The following CFAP54 variants were observed in gnomAD, a reference collection of about 807,000 sequenced individuals.
CFAP54 encodes cilia- and flagella-associated protein 54.
A neutral mutation model predicts 370.4 loss-of-function variants in CFAP54; 290 were observed. The observed-to-expected ratio is 0.78, with a 90% confidence interval of 0.71 to 0.86. CFAP54 has a LOEUF of 0.86. Among genes scored for constraint, CFAP54 ranks in the 40% least tolerant of loss-of-function variants. The pLI, the probability that CFAP54 is intolerant of heterozygous loss-of-function variation, is 0.00. For missense variants in CFAP54, 3,399 were observed against 3,528.7 expected (o/e 0.96, Z 0.93); for synonymous variants, 1,206 against 1,236.5 (o/e 0.98, Z 0.52).
intron 66 of CFAP54, among the ~76,000 whole-genome samples, chr12:96,850,752 A>G (rs1222787059): frequency 6.6e-6 from 1 of 152,146 alleles, no homozygotes; most frequent in Non-Finnish European, 1.5e-5. Context: ...ATCATGGTGC[A>G]AGGCAAAGGG....
At chr12:96,532,445 A>C (rs1955448940) in intron 9 of CFAP54, among the ~76,000 whole-genome samples, 1 of 152,112 alleles carries the variant, frequency 6.6e-6, no homozygotes, top group Non-Finnish European at 1.5e-5. Context: ...TTCTCTTCCT[A>C]AGAAAAATAC....
intron 58 of CFAP54, among the ~76,000 whole-genome samples, chr12:96,758,033 A>C (rs947086628): frequency 1.3e-5 from 2 of 152,188 alleles, no homozygotes; most frequent in Non-Finnish European, 2.9e-5. Context: ...TCATTCATAC[A>C]TTCATCACGT....
At chr12:96,762,605 C>T (rs1166730790) in intron 58 of CFAP54, among the ~76,000 whole-genome samples, 2 of 152,172 alleles carry the variant, frequency 1.3e-5, no homozygotes, top group Admixed American at 6.5e-5. Flanking sequence ...ATGGCTGGGT[C>T]ACTAGTTGGT....
intron 39 of CFAP54, among the ~76,000 whole-genome samples, chr12:96,664,693 A>G (rs55978939): frequency 8.2e-5 from 1 of 12,258 alleles, no homozygotes; most frequent in African/African-American, 4.1e-4. Context: ...CTTTGGGTAT[A>G]TATCTATATA....
At chr12:96,856,329 G>T (rs1214148690) in intron 66 of CFAP54, among the ~76,000 whole-genome samples, 1 of 152,210 alleles carries the variant, frequency 6.6e-6, no homozygotes, top group Non-Finnish European at 1.5e-5. Flanking sequence ...GCAAATTTAT[G>T]CAGGAGGCTT....
intron 49 of CFAP54, 49 bp downstream of exon 49, chr12:96,718,571 A>G (rs1227459364): frequency 8.6e-7 from 1 of 1,159,590 alleles, no homozygotes; most frequent in East Asian, 2.4e-5. Context: ...CCAAAAATCC[A>G]CTATTAGGCC....
Position 96,775,682 on chromosome 12 carries a change from G to A in CFAP54, c.8282-9035G>A, listed in dbSNP as rs753857771. ...TCCTCCTCTTATATCTGTAGTTTTTGTTTTTGTTGACAAGATGTTACTTGG... is the reference window on the plus strand; with the variant it reads ...TCCTCCTCTTATATCTGTAGTTTTTATTTTTGTTGACAAGATGTTACTTGG... On this transcript the variant is annotated intron_variant, in intron 60 of 67. Transcript: ENST00000524981. Among the ~76,000 whole-genome samples, 69 of 152,022 alleles carry A rather than the reference G, an allele frequency of 4.5e-4. 1 individual carries two copies. The highest frequency in any genetic ancestry group is 8.7e-4 in the Non-Finnish European group (59 of 67,982).
chr12:96,836,229 C>T (rs941024674), intron 66 of CFAP54, among the ~76,000 whole-genome samples: 38 of 152,122 alleles, frequency 2.5e-4, no homozygotes, highest in African/African-American at 8.4e-4. Context: ...AGTCAGGCAG[C>T]GGGCTGAGGG....
Position 96,647,908 on chromosome 12 carries a change from G to A in CFAP54, c.4581G>A (p.Leu1527=). 1 of 1,511,796 alleles carries A rather than the reference G, an allele frequency of 6.6e-7. No individual in the cohort carries two copies. Among genetic ancestry groups the A allele is most frequent in the African/African-American group, 1.4e-5 (1 of 71,670 alleles). The allele number at this position is 1,511,796 out of a possible 1,614,324, so 93.6% of individuals were successfully genotyped here. The part of the protein sequence containing the change: ...FRSCDPNMFS[L]YNSGTVLPTR... ...CATGTGATCCTAACATGTTTTCACT[G>A]TATAATTCAGGAACAGTATTACCAA... The change falls in exon 34 of 68, where the codon CTG becomes CTA. Residue 1527 remains leucine, a synonymous_variant. Coordinates refer to ENST00000524981, the MANE Select transcript of CFAP54 (RefSeq NM_001306084.2).
At chr12:96,720,007 A>G (rs567629858) in intron 49 of CFAP54, among the ~76,000 whole-genome samples, 1 of 152,300 alleles carries the variant, frequency 6.6e-6, no homozygotes, top group South Asian at 2.1e-4. Flanking sequence ...CACATTAAAC[A>G]AGGAGGCTGT....
At chr12:96,548,916 G>A (rs4540870) in intron 15 of CFAP54, among the ~76,000 whole-genome samples, 23,950 of 150,990 alleles carry the variant, frequency 0.16, 3,000 homozygotes, top group East Asian at 0.51. Flanking sequence ...GTGCAGTGGC[G>A]CACTCTTGGC....
Position 96,860,844 on chromosome 12 carries a change from C to G in CFAP54, c.9197C>G (p.Ser3066Cys). The stretch of plus-strand genomic sequence containing the variant: ...GTCCCATTTGATATCTCACTGCCGT[C>G]TATATTCAATCTTGAGAGACTTTTT... ...SEVPFDISLP[S>C]IFNLERLFDL... Residue 3066 changes from serine to cysteine, a missense_variant, in exon 67 of 68, where the codon TCT (serine) becomes TGT (cysteine). Physicochemically the swap from Ser to Cys is moderately radical, Grantham distance 112. Coordinates refer to ENST00000524981, the MANE Select transcript of CFAP54 (RefSeq NM_001306084.2). 6.5e-7 allele frequency: 1 copy of G among 1,533,218 alleles called. No homozygotes were observed. The highest frequency in any genetic ancestry group is 8.7e-7 in the Non-Finnish European group (1 of 1,145,132). The allele number at this position is 1,533,218 out of a possible 1,614,324, so 95.0% of individuals were successfully genotyped here.
At chr12:96,564,934 T>C (rs1008083420) in intron 19 of CFAP54, 169 bp downstream of exon 19, 2 of 363,710 alleles carry the variant, frequency 5.5e-6, no homozygotes, top group African/African-American at 4.2e-5. Context: ...GTACCTCCAG[T>C]TCTGAATTCT....
intron 67 of CFAP54, among the ~76,000 whole-genome samples, chr12:96,868,100 G>A (rs545889043): frequency 3.9e-5 from 6 of 151,988 alleles, no homozygotes; most frequent in Non-Finnish European, 7.4e-5. Context: ...CAACCCAGAC[G>A]TCTCCTCCAC....
chr12:96,862,650 A>T (rs1959906444), intron 67 of CFAP54, among the ~76,000 whole-genome samples: 1 of 152,214 alleles, frequency 6.6e-6, no homozygotes, highest in Non-Finnish European at 1.5e-5. Context: ...AAAGAGAAAA[A>T]GAACCAAATA....
chr12:96,856,234 G>A (rs567861602), intron 66 of CFAP54, among the ~76,000 whole-genome samples: 8 of 152,178 alleles, frequency 5.3e-5, no homozygotes, highest in Non-Finnish European at 7.4e-5. Flanking sequence ...GGCCTGCCCC[G>A]AAGGTCTCTG....
At chr12:96,503,271 C>CTTT (rs1466499720) in intron 2 of CFAP54, among the ~76,000 whole-genome samples, 1 of 141,896 alleles carries the variant, frequency 7.0e-6, no homozygotes, top group Non-Finnish European at 1.5e-5. Context: ...CTTTCTTCCC[C>CTTT]CTTCCTTTCC....
chr12:96,633,531 A>G (rs1956631237), intron 32 of CFAP54, among the ~76,000 whole-genome samples: 1 of 152,220 alleles, frequency 6.6e-6, no homozygotes, highest in South Asian at 2.1e-4. Flanking sequence ...TATGACCACC[A>G]CAGTATGTAA....
chr12:96,508,833 C>T (rs957147584), intron 4 of CFAP54, among the ~76,000 whole-genome samples: 1 of 151,954 alleles, frequency 6.6e-6, no homozygotes, highest in Non-Finnish European at 1.5e-5. Context: ...ACAGGCCTGG[C>T]GATGAGCACC....
Sources: allele counts gnomAD v4.1 joint callset (sites outside exome capture counted in the v4.1 genomes callset), GRCh38; gene constraint gnomAD v4.1.1; transcripts MANE v1.5; gene names NCBI Gene and HGNC (gene_info 2026-07-23, HGNC 2026-07-21).